ATP11A: variants seen among roughly 807,000 people sequenced by gnomAD.
The protein encoded by ATP11A is phospholipid-transporting ATPase IH.
In ATP11A, 81 loss-of-function variants were observed where a neutral mutation model predicts 154.4. That is an observed-to-expected ratio of 0.52 (90% CI 0.44 to 0.63). The LOEUF is 0.63. Among genes scored for constraint, ATP11A ranks in the 30% least tolerant of loss-of-function variants. The probability of loss-of-function intolerance (pLI) is 0.00; values close to 1 mark genes in which losing one functional copy is unlikely to be tolerated. For synonymous variants in ATP11A, 623 were observed against 585.9 expected (o/e 1.06, Z -0.91); for missense variants, 1,316 against 1,474.3 (o/e 0.89, Z 1.76).
At chr13:112,822,804 C>G (rs1476948670) in intron 8 of ATP11A, among the ~76,000 whole-genome samples, 3 of 151,664 alleles carry the variant, frequency 2.0e-5, no homozygotes, top group Non-Finnish European at 4.4e-5. Flanking sequence ...TATTTCACAT[C>G]CACCCCTCTT....
Position 112,860,386 on chromosome 13 carries a change from G to C in ATP11A, c.2827G>C (p.Val943Leu), listed in dbSNP as rs188933573. 5.0e-6 allele frequency: 8 copies of C among 1,614,120 alleles called. No individual in the cohort carries two copies. The highest frequency in any genetic ancestry group is 6.8e-6 in the Non-Finnish European group (8 of 1,180,020). The change falls in exon 24 of 30, where the codon GTG (valine) becomes CTG (leucine). Residue 943 changes from valine to leucine, a missense_variant. Val to Leu is a conservative substitution (Grantham distance 32, BLOSUM62 1). Transcript: ENST00000375645. ...SLMEQHVGID[V>L]LKRDPTLYRD... ...CATGGAGCAGCATGTTGGCATTGAC[G>C]TGCTCAAGAGAGACCCGACCCTGTA...
At chr13:112,818,927 A>G (rs1387400977) in intron 6 of ATP11A, among the ~76,000 whole-genome samples, 3 of 152,192 alleles carry the variant, frequency 2.0e-5, no homozygotes, top group Non-Finnish European at 4.4e-5. Flanking sequence ...AATGAAGTGA[A>G]GTGATCCTGT....
intron 1 of ATP11A, chr13:112,717,389 C>T (rs1487507830): frequency 1.3e-5 from 2 of 152,142 alleles, no homozygotes; most frequent in East Asian, 1.9e-4. Context: ...TCCATTACCT[C>T]CAAGCTGAGA....
At chr13:112,856,526 T>C (rs560107841) in intron 20 of ATP11A, 2 of 153,418 alleles carry the variant, frequency 1.3e-5, no homozygotes, top group Non-Finnish European at 2.9e-5. Flanking sequence ...GGGAATAATT[T>C]GCCGAAAAGG....
chr13:112,735,750 T>G (rs529138520), intron 1 of ATP11A, among the ~76,000 whole-genome samples: 1 of 152,318 alleles, frequency 6.6e-6, no homozygotes, highest in East Asian at 1.9e-4. Context: ...AGAGTTGAAC[T>G]CACCAGCCAT....
At chr13:112,705,892 AACAT>A (rs1444604807) in intron 1 of ATP11A, among the ~76,000 whole-genome samples, 3 of 152,208 alleles carry the variant, frequency 2.0e-5, no homozygotes, top group Non-Finnish European at 4.4e-5. Context: ...ATTGTGGCAA[AACAT>A]ACATAAACTT....
intron 4 of ATP11A, among the ~76,000 whole-genome samples, chr13:112,810,014 T>C (rs1049146367): frequency 5.9e-5 from 9 of 152,200 alleles, no homozygotes; most frequent in Non-Finnish European, 1.3e-4. Context: ...GATGGGATGT[T>C]TCCCGCGTGG....
chr13:112,866,145 A>T (rs2080324481), intron 25 of ATP11A, among the ~76,000 whole-genome samples: 1 of 152,202 alleles, frequency 6.6e-6, no homozygotes, highest in Non-Finnish European at 1.5e-5. Context: ...TCCCACCCTC[A>T]GATAATGACT....
chr13:112,807,471 G>A lies in ATP11A; in HGVS notation c.333+1178G>A, dbSNP rs557848309. On this transcript the variant is annotated intron_variant, in intron 4 of 29. Coordinates refer to ENST00000375645, the MANE Select transcript of ATP11A (RefSeq NM_015205.3). The surrounding 1 kb of genome is among the most constrained non-coding windows in gnomAD (Gnocchi z 4.5). ...GCAGAACACAGCACAGTAACGAAACGAACTGTGCTGCCTGGAGAACAGAAC... is the reference window on the plus strand; with the variant it reads ...GCAGAACACAGCACAGTAACGAAACAAACTGTGCTGCCTGGAGAACAGAAC... Among the ~76,000 whole-genome samples, 3 of 152,284 alleles carry A rather than the reference G, an allele frequency of 2.0e-5. No individual in the cohort carries two copies. Among genetic ancestry groups the A allele is most frequent in the South Asian group, 4.1e-4 (2 of 4,826 alleles).
At chr13:112,765,896 C>T (rs886886872) in intron 1 of ATP11A, among the ~76,000 whole-genome samples, 1 of 152,264 alleles carries the variant, frequency 6.6e-6, no homozygotes, top group African/African-American at 2.4e-5. Context: ...GCTGAGCAGG[C>T]GTAACCGCCA....
At chr13:112,750,831 G>A (rs2076674158) in intron 1 of ATP11A, among the ~76,000 whole-genome samples, 1 of 152,206 alleles carries the variant, frequency 6.6e-6, no homozygotes, top group South Asian at 2.1e-4. Context: ...GCTTCCCCCT[G>A]CCTTTTTATA....
chr13:112,738,266 G>A (rs964569776), intron 1 of ATP11A, among the ~76,000 whole-genome samples: 1 of 152,060 alleles, frequency 6.6e-6, no homozygotes, highest in Non-Finnish European at 1.5e-5. Flanking sequence ...CCAGCTACTC[G>A]GGAGGCTGAG....
intron 2 of ATP11A, among the ~76,000 whole-genome samples, chr13:112,794,201 A>G (rs1048928949): frequency 1.3e-5 from 2 of 152,146 alleles, no homozygotes; most frequent in Admixed American, 6.6e-5. Context: ...AGGATTGAGG[A>G]CGTCTACTGA....
chr13:112,811,616 T>A (rs1390749285), intron 5 of ATP11A: 3 of 152,358 alleles, frequency 2.0e-5, no homozygotes, highest in African/African-American at 7.2e-5. Flanking sequence ...TATTTATTTA[T>A]TTTTTAAGAG....
At chr13:112,768,295 G>A (rs771450984) in intron 1 of ATP11A, among the ~76,000 whole-genome samples, 3 of 152,210 alleles carry the variant, frequency 2.0e-5, no homozygotes, top group East Asian at 1.9e-4. Flanking sequence ...TGCCTTCTGC[G>A]GCGTCTTCCT....
chr13:112,824,489 A>G (rs1260773056), intron 10 of ATP11A, 64 bp downstream of exon 10: 1 of 1,484,660 alleles, frequency 6.7e-7, no homozygotes, highest in African/African-American at 1.4e-5. Flanking sequence ...TAGAAATGGA[A>G]GTAGCTTCCT....
chr13:112,704,908 T>C (rs9577387), intron 1 of ATP11A, among the ~76,000 whole-genome samples: 1 of 152,212 alleles, frequency 6.6e-6, no homozygotes, highest in Non-Finnish European at 1.5e-5. Context: ...GACATGGAAA[T>C]GGCTTTCAGA....
chr13:112,854,424 C>G lies in ATP11A; in HGVS notation c.2137C>G (p.Leu713Val). 6.2e-7 allele frequency: 1 copy of G among 1,613,372 alleles called. No homozygotes were observed. The highest frequency in any genetic ancestry group is 8.5e-7 in the Non-Finnish European group (1 of 1,180,020). The change falls in exon 19 of 30, where the codon CTG becomes GTG. Residue 713 changes from leucine (L) to valine (V), a missense_variant. Physicochemically the swap from Leu to Val is conservative, Grantham distance 32. Around this residue, in one of 5 missense-constraint regions of ATP11A, gnomAD observed 876 missense variants for 1,006.8 expected, o/e 0.87. Transcript: ENST00000375645. ...LFRRNTQLLELTTKRIEEQSL... is the reference protein window; with the variant it reads ...LFRRNTQLLEVTTKRIEEQSL... ...CCGCAGGAACACGCAGCTGCTGGAG[C>G]TGACCACCAAGAGGATCGAGGAGCA...
At chr13:112,797,748 G>A (rs1041521800) in intron 2 of ATP11A, among the ~76,000 whole-genome samples, 2 of 152,222 alleles carry the variant, frequency 1.3e-5, no homozygotes, top group Non-Finnish European at 2.9e-5. Context: ...TTCATTGCCA[G>A]TAGACCTCCC....
Sources: gnomAD v4.1 joint callset for allele counts (sites outside exome capture counted in the v4.1 genomes callset) on GRCh38, gnomAD v4.1.1 for gene constraint, gnomAD v4.1.1 regional missense constraint, Gnocchi (gnomAD v3.1) non-coding constraint, MANE v1.5 for transcripts, NCBI Gene and HGNC (gene_info 2026-07-23, HGNC 2026-07-21) for gene names.